The following TTC7B variants were observed in gnomAD, a reference collection of about 807,000 sequenced individuals.
TTC7B encodes tetratricopeptide repeat domain 7B.
A neutral mutation model predicts 106.8 loss-of-function variants in TTC7B; 28 were observed. That is an observed-to-expected ratio of 0.26 (90% CI 0.19 to 0.36). TTC7B has a LOEUF of 0.36. Ranked by LOEUF, TTC7B falls within the 10% of genes least tolerant of loss-of-function variation. The pLI is 1.00. For missense variants in TTC7B, 862 were observed against 1,076.4 expected, an observed-to-expected ratio of 0.80 and a Z score of 2.79; for synonymous variants, 405 against 430.6, an observed-to-expected ratio of 0.94 and a Z score of 0.74.
rs183571177 is a variant in TTC7B, at chr14:90,640,313, T to G, written c.1751+3735A>C. ...AGAGAGAGAAAGAAAAAGCACAATATACATGGTATAGAAACATGAGAGAAT... is the reference window on the plus strand; with the variant it reads ...AGAGAGAGAAAGAAAAAGCACAATAGACATGGTATAGAAACATGAGAGAAT... On this transcript the variant is annotated intron_variant, in intron 15 of 19. Transcript: ENST00000328459. Among the ~76,000 whole-genome samples the G allele has an allele frequency of 3.8e-3, 571 of 151,654 alleles. 3 individuals are homozygous for G. Among genetic ancestry groups the G allele is most frequent in the Non-Finnish European group, 5.7e-3 (385 of 67,900 alleles).
intron 15 of TTC7B, among the ~76,000 whole-genome samples, chr14:90,625,526 C>G (rs1183375248): frequency 6.6e-6 from 1 of 152,246 alleles, no homozygotes; most frequent in Admixed American, 6.5e-5. Context: ...CAAACAGCAG[C>G]CTCTGGTCCC....
At chr14:90,800,357 T>C (rs543108292) in intron 1 of TTC7B, among the ~76,000 whole-genome samples, 1 of 152,168 alleles carries the variant, frequency 6.6e-6, no homozygotes, top group African/African-American at 2.4e-5. Flanking sequence ...GACAGAATAA[T>C]GGCCCCCAGA....
intron 15 of TTC7B, among the ~76,000 whole-genome samples, chr14:90,638,151 C>T (rs1885024499): frequency 6.6e-6 from 1 of 152,036 alleles, no homozygotes; most frequent in Non-Finnish European, 1.5e-5. Context: ...TCTCAAAGTG[C>T]TGGCATTACA....
At chr14:90,737,604 A>G (rs1889593700) in intron 4 of TTC7B, among the ~76,000 whole-genome samples, 1 of 123,374 alleles carries the variant, frequency 8.1e-6, no homozygotes. Context: ...CCCAGGCTGG[A>G]GTGCAGTGGC....
intron 5 of TTC7B, among the ~76,000 whole-genome samples, chr14:90,707,654 G>C (rs982454249): frequency 1.3e-5 from 2 of 152,140 alleles, no homozygotes; most frequent in African/African-American, 4.8e-5. Context: ...TTGCTGATAG[G>C]GAAAAAGTCT....
rs1175934737 is a variant in TTC7B at position 90,689,478 on chromosome 14, TG to T, written c.950+61del. Reference sequence around the variant, plus strand: ...CTACTCTTGTACTTCTCATCATCCTTGAATTTTCCCAAGTTTTCCTCCCAAC... The same window carrying T: ...CTACTCTTGTACTTCTCATCATCCTTAATTTTCCCAAGTTTTCCTCCCAAC... On this transcript the variant is annotated intron_variant, in intron 7 of 19. Coordinates refer to ENST00000328459, the MANE Select transcript of TTC7B (RefSeq NM_001010854.2). 39 of 1,458,586 alleles carry T rather than the reference TG, an allele frequency of 2.7e-5. No homozygotes were observed. In the Middle Eastern group the frequency reaches 8.6e-4, roughly 32 times the overall value. The allele number at this position is 1,458,586 out of a possible 1,614,324, so 90.4% of individuals were successfully genotyped here. A position where few individuals can be genotyped will look rare whatever the true frequency, so the allele number is the denominator to read the frequency against.
At chr14:90,646,917 T>C (rs1443934657) in intron 14 of TTC7B, 34 bp downstream of exon 14, 3 of 1,574,096 alleles carry the variant, frequency 1.9e-6, no homozygotes, top group African/African-American at 1.3e-5. Context: ...AGATACAGAG[T>C]GCAGCAAGTA....
chr14:90,545,754 G>T (rs1243047487), intron 19 of TTC7B, among the ~76,000 whole-genome samples: 1 of 152,232 alleles, frequency 6.6e-6, no homozygotes, highest in Non-Finnish European at 1.5e-5. Context: ...GTATGGGACA[G>T]GGGCATGTCT....
intron 5 of TTC7B, among the ~76,000 whole-genome samples, chr14:90,700,177 A>G (rs1225903539): frequency 1.3e-5 from 2 of 152,190 alleles, no homozygotes; most frequent in African/African-American, 4.8e-5. Flanking sequence ...CTGGGGGAGC[A>G]GTACTCCTAC....
Position 90,524,613 on chromosome 14 carries a change from C to T in TTC7B, c.*16755G>A, listed in dbSNP as rs1889103712. ...GGAAGAAAAAAGAAAGGGACCTCCC[C>T]ACTCTTCTCCCCACAGCCACCGCCT... On this transcript the variant is annotated 3_prime_UTR_variant, in exon 20 of 20. Coordinates refer to ENST00000328459, the MANE Select transcript of TTC7B (RefSeq NM_001010854.2). 2 of 152,294 alleles carry T rather than the reference C, an allele frequency of 1.3e-5. No individual in the cohort carries two copies. The highest frequency in any genetic ancestry group is 2.4e-5 in the African/African-American group (1 of 41,458). 9.4% of individuals were successfully genotyped at this position (152,294 alleles called of 1,614,324 possible).
intron 17 of TTC7B, chr14:90,602,252 G>A (rs910384413): frequency 1.8e-5 from 8 of 455,832 alleles, no homozygotes; most frequent in African/African-American, 8.0e-5. Context: ...GTCAAAGTGC[G>A]GGACTTCTCA....
intron 3 of TTC7B, among the ~76,000 whole-genome samples, chr14:90,749,402 C>CT (rs3085716): frequency 8.5e-6 from 1 of 117,186 alleles, no homozygotes; most frequent in Admixed American, 8.9e-5. Flanking sequence ...AATAATTTTT[C>CT]TTTTTTTTTT....
chr14:90,589,970 T>C (rs529593475), intron 18 of TTC7B, among the ~76,000 whole-genome samples: 1 of 152,182 alleles, frequency 6.6e-6, no homozygotes, highest in African/African-American at 2.4e-5. Context: ...ACCTTACAGG[T>C]GCTGATGTGC....
At chr14:90,731,656 C>T (rs1374572188) in intron 4 of TTC7B, among the ~76,000 whole-genome samples, 1 of 152,190 alleles carries the variant, frequency 6.6e-6, no homozygotes, top group Non-Finnish European at 1.5e-5. Context: ...TCTCTGGGAA[C>T]CTCATTTCCA....
Position 90,793,601 on chromosome 14 carries a change from T to G in TTC7B, c.122-7273A>C, listed in dbSNP as rs184115495. 1.4e-3 allele frequency among the ~76,000 whole-genome samples: 162 copies of G among 119,026 alleles called. 1 individual carries two copies. The highest frequency in any genetic ancestry group is 3.5e-3 in the African/African-American group (136 of 38,682). The allele number at this position is 119,026 out of a possible 152,430, so 78.1% of individuals were successfully genotyped here. A position where few individuals can be genotyped will look rare whatever the true frequency, so the allele number is the denominator to read the frequency against. The stretch of plus-strand genomic sequence containing the variant: ...ATTTCTTTTGTTTGTTTGTTTGTTT[T>G]TTTCTTTTTTTCTTTTTTTTTTTTG... On this transcript the variant is annotated intron_variant, in intron 1 of 19. Transcript: ENST00000328459.
Position 90,724,319 on chromosome 14 carries a change from T to A in TTC7B, c.698+5756A>T, listed in dbSNP as rs74775877. On this transcript the variant is annotated intron_variant, in intron 5 of 19. Transcript: ENST00000328459. ...ATGAATTCTAGGAGGGCAGGGACTTTGTCTCTTCTCTTCACCACTCGTCCC... is the reference window on the plus strand; with the variant it reads ...ATGAATTCTAGGAGGGCAGGGACTTAGTCTCTTCTCTTCACCACTCGTCCC... 4.2e-3 allele frequency among the ~76,000 whole-genome samples: 646 copies of A among 152,308 alleles called. 5 individuals carry two copies. Among genetic ancestry groups the A allele is most frequent in the African/African-American group, 0.015 (617 of 41,560 alleles).
intron 3 of TTC7B, among the ~76,000 whole-genome samples, chr14:90,752,798 G>C (rs754738646): frequency 6.6e-5 from 10 of 152,212 alleles, no homozygotes; most frequent in Admixed American, 1.3e-4. Context: ...TGACTACAAA[G>C]TGTTGCTCAC....
chr14:90,612,958 C>G (rs1197484991), intron 16 of TTC7B, among the ~76,000 whole-genome samples: 1 of 152,228 alleles, frequency 6.6e-6, no homozygotes, highest in Non-Finnish European at 1.5e-5. Flanking sequence ...GGCACAGGAT[C>G]CACGTTCCCT....
chr14:90,704,847 C>T (rs1888141522), intron 5 of TTC7B, among the ~76,000 whole-genome samples: 2 of 152,316 alleles, frequency 1.3e-5, no homozygotes, highest in Admixed American at 6.5e-5. Flanking sequence ...GTTCTTTCAT[C>T]GCACAGCACC....
Sources: gnomAD v4.1 joint callset for allele counts (sites outside exome capture counted in the v4.1 genomes callset) on GRCh38, gnomAD v4.1.1 for gene constraint, MANE v1.5 for transcripts, NCBI Gene and HGNC (gene_info 2026-07-23, HGNC 2026-07-21) for gene names.